The following RBFOX1 variants were observed in gnomAD, a reference collection of about 807,000 sequenced individuals.
RBFOX1 encodes the protein RNA binding protein fox-1 homolog 1.
In RBFOX1, 8 loss-of-function variants were observed where a neutral mutation model predicts 57.7. That is an observed-to-expected ratio of 0.14 (90% CI 0.08 to 0.25). The LOEUF is 0.25. Ranked by LOEUF, RBFOX1 falls within the 10% of genes least tolerant of loss-of-function variation. RBFOX1 has a pLI of 1.00. For missense variants in RBFOX1, 611 were observed against 548.5 expected (o/e 1.11, Z -1.14); for synonymous variants, 326 against 222.4 (o/e 1.47, Z -4.15).
At chr16:6,706,372 GC>G (rs1247558516) in intron 3 of RBFOX1, among the ~76,000 whole-genome samples, 1 of 152,178 alleles carries the variant, frequency 6.6e-6, no homozygotes, top group Admixed American at 6.5e-5. Context: ...CAATGTAGCA[GC>G]CCAATTAATA....
chr16:6,677,220 T>C (rs2154117634), intron 3 of RBFOX1, among the ~76,000 whole-genome samples: 1 of 152,292 alleles, frequency 6.6e-6, no homozygotes, highest in South Asian at 2.1e-4. Context: ...ACAACTAGAA[T>C]ACAGGTTTTC....
chr16:7,022,867 A>T (rs115743483), intron 3 of RBFOX1, among the ~76,000 whole-genome samples: 1 of 152,192 alleles, frequency 6.6e-6, no homozygotes, highest in Non-Finnish European at 1.5e-5. Context: ...ACTGCCTCCA[A>T]TGTTCACACA....
intron 4 of RBFOX1, among the ~76,000 whole-genome samples, chr16:7,163,236 C>A (rs1567524795): frequency 6.6e-6 from 1 of 152,076 alleles, no homozygotes; most frequent in Non-Finnish European, 1.5e-5. Context: ...TGGCCAATTT[C>A]TTTTGACTAT....
intron 4 of RBFOX1, among the ~76,000 whole-genome samples, chr16:7,082,116 C>T (rs972364043): frequency 5.9e-5 from 9 of 152,156 alleles, no homozygotes; most frequent in African/African-American, 1.7e-4. Context: ...CTGGAGATCA[C>T]TCCTTGGTAT....
chr16:6,979,689 T>C (rs145514566), intron 3 of RBFOX1, among the ~76,000 whole-genome samples: 41 of 152,304 alleles, frequency 2.7e-4, no homozygotes, highest in African/African-American at 9.9e-4. Context: ...TAAATAAACA[T>C]GTGAGGCGTT....
Position 6,440,954 on chromosome 16 carries a change from G to C in RBFOX1, c.-64+123897G>C, listed in dbSNP as rs191667746. ...GCTTGATATTCAGAGCTGGAGAGAG[G>C]GTCTAGGCTGCGTCTGTGGAGTGTA... On this transcript the variant is annotated intron_variant, in intron 2 of 15. Transcript: ENST00000550418. Among the ~76,000 whole-genome samples, 20 of 152,270 alleles carry C rather than the reference G, an allele frequency of 1.3e-4. No homozygotes were observed. The East Asian group carries it at 3.9e-3, about 29-fold the overall frequency.
At chr16:6,879,986 C>T (rs1156996542) in intron 3 of RBFOX1, among the ~76,000 whole-genome samples, 1 of 152,052 alleles carries the variant, frequency 6.6e-6, no homozygotes, top group African/African-American at 2.4e-5. Flanking sequence ...ATTTGTTAAT[C>T]TTCTGAAATA....
chr16:6,843,912 G>A (rs897801577), intron 3 of RBFOX1, among the ~76,000 whole-genome samples: 6 of 152,098 alleles, frequency 3.9e-5, no homozygotes, highest in African/African-American at 7.2e-5. Context: ...ATATGGGGGG[G>A]AAATTACCAG....
intron 1 of RBFOX1, among the ~76,000 whole-genome samples, chr16:5,258,252 C>G (rs1396797152): frequency 1.3e-5 from 2 of 152,098 alleles, no homozygotes; most frequent in African/African-American, 4.8e-5. Flanking sequence ...GTTTAATGAG[C>G]TATCATATAC....
chr16:7,325,074 A>T (rs2096593870), intron 4 of RBFOX1, among the ~76,000 whole-genome samples: 2 of 152,188 alleles, frequency 1.3e-5, no homozygotes, highest in South Asian at 2.1e-4. Flanking sequence ...TCATTTGAGC[A>T]ATTAGCGGTT....
intron 1 of RBFOX1, among the ~76,000 whole-genome samples, chr16:6,194,864 A>G (rs771303227): frequency 3.3e-5 from 5 of 152,226 alleles, no homozygotes; most frequent in Non-Finnish European, 7.3e-5. Flanking sequence ...ATGGTATGTC[A>G]TGTGTACTAG....
chr16:7,333,353 G>T (rs535045009), intron 4 of RBFOX1, among the ~76,000 whole-genome samples: 145 of 152,294 alleles, frequency 9.5e-4, no homozygotes, highest in Middle Eastern at 3.4e-3. Flanking sequence ...GCTTCAGGAG[G>T]TTGACCACGG....
intron 4 of RBFOX1, among the ~76,000 whole-genome samples, chr16:6,005,233 G>A (rs1335033669): frequency 2.0e-5 from 3 of 152,174 alleles, no homozygotes; most frequent in Non-Finnish European, 2.9e-5. Flanking sequence ...AAAACACCCT[G>A]CAGCTGAAAT....
intron 3 of RBFOX1, among the ~76,000 whole-genome samples, chr16:5,680,175 G>C (rs7205413): frequency 0.22 from 32,982 of 152,132 alleles, 4,135 homozygotes; most frequent in East Asian, 0.57. Context: ...AAACACATGA[G>C]CTGTGCTTGC....
At position 6,207,343 on chromosome 16, in the gene RBFOX1, T is replaced by G. The variant is rs138101896; in HGVS notation, c.-126-109652T>G. ...AAGCCATAAATGAGGCTGATAAAAT[T>G]ATCTAGCAGCCAAAAGGTTGCTGCA... is the stretch of plus-strand genomic sequence containing the variant. On this transcript the variant is annotated intron_variant, in intron 1 of 15. Transcript: ENST00000550418. Among the ~76,000 whole-genome samples the G allele has an allele frequency of 2.0e-3, 299 of 152,348 alleles. 2 individuals are homozygous for G. Among genetic ancestry groups the G allele is most frequent in the African/African-American group, 6.5e-3 (272 of 41,592 alleles).
intron 3 of RBFOX1, among the ~76,000 whole-genome samples, chr16:6,852,948 G>T (rs74620924): frequency 6.6e-6 from 1 of 152,210 alleles, no homozygotes; most frequent in Non-Finnish European, 1.5e-5. Context: ...TGCTGGGACT[G>T]TGTTGATGAC....
chr16:6,264,740 CA>C (rs2097722705), intron 1 of RBFOX1, among the ~76,000 whole-genome samples: 1 of 152,194 alleles, frequency 6.6e-6, no homozygotes, highest in Admixed American at 6.5e-5. Context: ...GGCAGGTGCT[CA>C]GCTCTTTTTT....
chr16:5,287,919 C>T (rs932739773), intron 1 of RBFOX1, among the ~76,000 whole-genome samples: 33 of 152,146 alleles, frequency 2.2e-4, no homozygotes, highest in South Asian at 6.2e-4. Flanking sequence ...CTTAATCATC[C>T]GCAACCCTCT....
At chr16:7,412,509 C>G (rs1216392322) in intron 4 of RBFOX1, among the ~76,000 whole-genome samples, 2 of 151,630 alleles carry the variant, frequency 1.3e-5, no homozygotes, top group Admixed American at 1.3e-4. Context: ...GAAAAGTATG[C>G]TGCAATTAAA....
Sources: allele counts gnomAD v4.1 joint callset (sites outside exome capture counted in the v4.1 genomes callset), GRCh38; gene constraint gnomAD v4.1.1; transcripts MANE v1.5; gene names NCBI Gene and HGNC (gene_info 2026-07-23, HGNC 2026-07-21).